The following PRR11 variants were observed in gnomAD, a reference collection of about 807,000 sequenced individuals.
PRR11 encodes the protein proline-rich protein 11.
Under a neutral mutation model 45.6 loss-of-function variants are expected in PRR11, and 30 were observed. That is an observed-to-expected ratio of 0.66 (90% CI 0.49 to 0.89). The LOEUF is 0.89. Among genes scored for constraint, PRR11 ranks in the 40% least tolerant of loss-of-function variants. The probability of loss-of-function intolerance (pLI) is 0.00; values close to 1 mark genes in which losing one functional copy is unlikely to be tolerated. For synonymous variants in PRR11, 128 were observed against 153.5 expected (o/e 0.83, Z 1.23); for missense variants, 373 against 424.8 (o/e 0.88, Z 1.07).
chr17:59,179,031 G>A (rs758814563), intron 2 of PRR11, among the ~76,000 whole-genome samples: 8 of 152,100 alleles, frequency 5.3e-5, no homozygotes, highest in Admixed American at 1.3e-4. Flanking sequence ...ATGGAGTCTC[G>A]CTCTGTGGGC....
intron 7 of PRR11, among the ~76,000 whole-genome samples, chr17:59,196,476 C>G (rs1158062259): frequency 6.6e-6 from 1 of 151,908 alleles, no homozygotes; most frequent in Admixed American, 6.6e-5. Context: ...TCCCGGGTTC[C>G]AGCAATTCTC....
intron 2 of PRR11, among the ~76,000 whole-genome samples, chr17:59,170,126 A>G (rs2046700483): frequency 6.6e-6 from 1 of 151,868 alleles, no homozygotes; most frequent in African/African-American, 2.4e-5. Context: ...GTGGCGGGCA[A>G]CTGTAATCCC....
intron 2 of PRR11, among the ~76,000 whole-genome samples, chr17:59,182,640 G>A (rs995424147): frequency 5.3e-5 from 8 of 151,160 alleles, no homozygotes; most frequent in African/African-American, 1.5e-4. Flanking sequence ...TGATCCATCC[G>A]CCTCGGCCTC....
At chr17:59,180,040 G>T (rs1029872722) in intron 2 of PRR11, among the ~76,000 whole-genome samples, 2 of 150,920 alleles carry the variant, frequency 1.3e-5, no homozygotes, top group South Asian at 2.1e-4. Context: ...CCCATGAGCC[G>T]CTCCTTCCCC....
At chr17:59,158,955 G>C (rs576990230) in intron 1 of PRR11, among the ~76,000 whole-genome samples, 1 of 152,136 alleles carries the variant, frequency 6.6e-6, no homozygotes. Flanking sequence ...CGCGTAGCTG[G>C]GATTACAGCA....
chr17:59,174,954 C>T (rs559063879), intron 2 of PRR11: 156 of 913,272 alleles, frequency 1.7e-4, no homozygotes, highest in Non-Finnish European at 2.4e-4. Flanking sequence ...CCCCACCCCG[C>T]CTACCTCCTC....
chr17:59,201,851 A>T lies in PRR11; in HGVS notation c.*220A>T. The T allele has an allele frequency of 2.1e-6, 1 of 487,678 alleles. No individual in the cohort carries two copies. Among genetic ancestry groups the T allele is most frequent in the Non-Finnish European group, 3.7e-6 (1 of 267,484 alleles). 30.2% of individuals were successfully genotyped at this position (487,678 alleles called of 1,614,324 possible). Reference sequence around the variant, plus strand: ...CTGGGCATAGTGGCGGGTGCCTGTAATCCCAGCTATGCGGGAGGCTAAGGC... The same window carrying T: ...CTGGGCATAGTGGCGGGTGCCTGTATTCCCAGCTATGCGGGAGGCTAAGGC... On this transcript the variant is annotated 3_prime_UTR_variant, in exon 10 of 10. Coordinates refer to ENST00000262293, the MANE Select transcript of PRR11 (RefSeq NM_018304.4).
chr17:59,195,418 T>C lies in PRR11; in HGVS notation c.832T>C (p.Ser278Pro). 10 of 1,611,296 alleles carry C rather than the reference T, an allele frequency of 6.2e-6. No individual in the cohort carries two copies. The highest frequency in any genetic ancestry group is 1.1e-5 in the South Asian group (1 of 91,026). Residue 278 changes from serine (S) to proline (P), a missense_variant, in exon 7 of 10, where the codon TCG (serine) becomes CCG (proline). Coordinates refer to ENST00000262293, the MANE Select transcript of PRR11 (RefSeq NM_018304.4). ...VTLKPNSKVL[S>P]TRVTNVLITP... is the part of the protein sequence containing the mutation. ...CCTGAAACCTAACTCCAAAGTGTTA[T>C]CGACTCGAGTTACAAACGTCTTAAT...
At chr17:59,199,752 C>T (rs1264651856) in intron 9 of PRR11, among the ~76,000 whole-genome samples, 1 of 152,162 alleles carries the variant, frequency 6.6e-6, no homozygotes, top group South Asian at 2.1e-4. Flanking sequence ...CCTTTTGTTC[C>T]GTGTTTGAGA....
chr17:59,193,635 C>A lies in PRR11; in HGVS notation c.546C>A (p.Ser182Arg). 1 of 1,614,142 alleles carries A rather than the reference C, an allele frequency of 6.2e-7. No homozygotes were observed. The highest frequency in any genetic ancestry group is 8.5e-7 in the Non-Finnish European group (1 of 1,180,016). Residue 182 changes from serine to arginine, a missense_variant, in exon 5 of 10, where the codon AGC (serine) becomes AGA (arginine). By Grantham distance (110) the Ser-to-Arg change is moderately radical (BLOSUM62 -1). Coordinates refer to ENST00000262293, the MANE Select transcript of PRR11 (RefSeq NM_018304.4). ...VLPPTLPQPA[S>R]HFPPPPPPPP... The stretch of plus-strand genomic sequence containing the variant: ...CTCCCACACTGCCACAGCCAGCCAG[C>A]CATTTTCCTCCTCCTCCTCCACCTC...
chr17:59,181,444 G>T, intron 2 of PRR11: 7 of 997,928 alleles, frequency 7.0e-6, no homozygotes, highest in Non-Finnish European at 1.0e-5. Flanking sequence ...GAAAAGTGTG[G>T]TTATTGAAAG....
At position 59,201,550 on chromosome 17, in the gene PRR11, T is replaced by C; in HGVS notation, c.1015-13T>C. On this transcript the variant is annotated splice_polypyrimidine_tract_variant and intron_variant, in intron 9 of 9. Transcript: ENST00000262293. The stretch of plus-strand genomic sequence containing the variant: ...ATAATTGATATTATAATTGGGACTT[T>C]TTTTTTTTATAGCTGGCTCACCCTA... 2 of 1,608,342 alleles carry C rather than the reference T, an allele frequency of 1.2e-6. No homozygotes were observed. The highest frequency in any genetic ancestry group is 1.7e-6 in the Non-Finnish European group (2 of 1,179,100).
chr17:59,166,762 TA>T (rs2046681913), intron 1 of PRR11, among the ~76,000 whole-genome samples: 1 of 152,194 alleles, frequency 6.6e-6, no homozygotes. Flanking sequence ...GACATTTGTA[TA>T]AAAAATTCAC....
At chr17:59,201,439 A>C in intron 9 of PRR11, 124 bp from the exon 10 acceptor site, 3 of 917,122 alleles carry the variant, frequency 3.3e-6, no homozygotes, top group Non-Finnish European at 5.1e-6. Context: ...AACTGGGAAA[A>C]GTGGTTTTTA....
chr17:59,186,854 G>C (rs1460377028), intron 4 of PRR11, among the ~76,000 whole-genome samples: 1 of 152,254 alleles, frequency 6.6e-6, no homozygotes, highest in East Asian at 1.9e-4. Flanking sequence ...CAACTTAGCA[G>C]TAAAATGAGG....
At chr17:59,176,877 A>G (rs1383490038) in intron 2 of PRR11, among the ~76,000 whole-genome samples, 1 of 151,170 alleles carries the variant, frequency 6.6e-6, no homozygotes, top group Non-Finnish European at 1.5e-5. Flanking sequence ...TTCTATTTTT[A>G]GTAGAGATGG....
intron 2 of PRR11, among the ~76,000 whole-genome samples, chr17:59,182,681 C>T (rs1018601735): frequency 2.6e-5 from 4 of 152,186 alleles, no homozygotes; most frequent in African/African-American, 9.7e-5. Flanking sequence ...GTGTGAGCCA[C>T]TGCACCTGGC....
chr17:59,180,625 C>T (rs1371069458), intron 2 of PRR11, among the ~76,000 whole-genome samples: 2 of 151,236 alleles, frequency 1.3e-5, no homozygotes, highest in Non-Finnish European at 2.9e-5. Context: ...CCTGTCTCAG[C>T]CTCCCAAGTA....
chr17:59,175,092 G>A (rs1228687493), intron 2 of PRR11: 10 of 571,598 alleles, frequency 1.7e-5, no homozygotes, highest in Middle Eastern at 4.1e-4. Flanking sequence ...TCATTTGGAG[G>A]CCTCGTTGTC....
Sources: gnomAD v4.1 joint callset for allele counts (sites outside exome capture counted in the v4.1 genomes callset) on GRCh38, gnomAD v4.1.1 for gene constraint, MANE v1.5 for transcripts, NCBI Gene and HGNC (gene_info 2026-07-23, HGNC 2026-07-21) for gene names.